Variants in ATP2C1 observed in about 807,000 individuals in gnomAD.
ATP2C1 encodes the protein calcium-transporting ATPase type 2C member 1.
ATP2C1 carries 31 observed loss-of-function variants against 120.5 expected under a neutral mutation model. The observed-to-expected ratio is 0.26, with a 90% CI of 0.19 to 0.35. The LOEUF (loss-of-function observed/expected upper bound fraction) is 0.35. Ranked by LOEUF, ATP2C1 falls within the 10% of genes least tolerant of loss-of-function variation. The pLI, the probability that ATP2C1 is intolerant of heterozygous loss-of-function variation, is 1.00. For missense variants in ATP2C1, 731 were observed against 1,107.5 expected (o/e 0.66, Z 4.83); for synonymous variants, 351 against 358.7 (o/e 0.98, Z 0.24).
At chr3:130,989,832 G>A (rs529182927) in intron 20 of ATP2C1, among the ~76,000 whole-genome samples, 1 of 152,268 alleles carries the variant, frequency 6.6e-6, no homozygotes, top group African/African-American at 2.4e-5. Flanking sequence ...AGTGCTGTGT[G>A]CTACATGATT....
intron 5 of ATP2C1, 128 bp from the exon 6 acceptor site, chr3:130,937,299 TC>T (rs2108411386): frequency 2.5e-6 from 2 of 803,192 alleles, no homozygotes; most frequent in Admixed American, 4.3e-5. Flanking sequence ...AGTTGTGATT[TC>T]TTTTCCAGCT....
chr3:130,960,917 A>G (rs2060791534), intron 12 of ATP2C1, among the ~76,000 whole-genome samples: 1 of 152,186 alleles, frequency 6.6e-6, no homozygotes, highest in Non-Finnish European at 1.5e-5. Context: ...TAGGCATCTA[A>G]GAAAAAGAAA....
chr3:130,972,472 C>CTTT lies in ATP2C1; in HGVS notation c.1414-2848_1414-2846dup, dbSNP rs76538100. 1.3e-4 allele frequency among the ~76,000 whole-genome samples: 18 copies of CTTT among 142,900 alleles called. 1 individual carries two copies. The highest frequency in any genetic ancestry group is 4.4e-4 in the African/African-American group (17 of 39,024). The allele number at this position is 142,900 out of a possible 152,430, so 93.7% of individuals were successfully genotyped here. A position where few individuals can be genotyped will look rare whatever the true frequency, so the allele number is the denominator to read the frequency against. On this transcript the variant is annotated intron_variant, in intron 17 of 27. Transcript: ENST00000510168. The stretch of plus-strand genomic sequence containing the variant: ...CTTCTAGTCTTTTAGTTTCTTCACT[C>CTTT]TTTTTTTTTTTTTTATATACTTTAA...
intron 1 of ATP2C1, chr3:130,854,362 A>T (rs1221177046): frequency 1.3e-5 from 2 of 152,216 alleles, no homozygotes; most frequent in African/African-American, 4.8e-5. Flanking sequence ...CTGAGCCTAA[A>T]TGGAGTCTCA....
intron 17 of ATP2C1, among the ~76,000 whole-genome samples, 183 bp from the exon 18 acceptor site, chr3:130,975,149 A>G (rs1346538116): frequency 6.6e-6 from 1 of 152,188 alleles, no homozygotes; most frequent in Non-Finnish European, 1.5e-5. Flanking sequence ...TGTTTTCTAT[A>G]GAAGATACAG....
At chr3:131,000,354 GTATTT>G (rs1432173316) in intron 27 of ATP2C1, among the ~76,000 whole-genome samples, 1 of 152,058 alleles carries the variant, frequency 6.6e-6, no homozygotes, top group Non-Finnish European at 1.5e-5. Flanking sequence ...TTGAATTTCA[GTATTT>G]TAATTCCATA....
intron 2 of ATP2C1, among the ~76,000 whole-genome samples, chr3:130,905,946 C>T (rs1467232754): frequency 2.0e-5 from 3 of 151,984 alleles, no homozygotes; most frequent in African/African-American, 7.2e-5. Flanking sequence ...TGAAATCATG[C>T]CCATCGACTA....
chr3:130,967,100 G>A (rs1460673514), intron 14 of ATP2C1, 45 bp from the exon 15 acceptor site: 7 of 1,416,190 alleles, frequency 4.9e-6, no homozygotes, highest in African/African-American at 1.4e-5. Context: ...TCACCACCAA[G>A]TGTTTGTAGT....
Position 131,001,293 on chromosome 3 carries a change from C to T in ATP2C1, c.2703C>T (p.Ser901=). 7 of 1,613,496 alleles carry T rather than the reference C, an allele frequency of 4.3e-6. No individual in the cohort carries two copies. The highest frequency in any genetic ancestry group is 5.9e-6 in the Non-Finnish European group (7 of 1,179,686). The change falls in exon 28 of 28, where the codon AGC becomes AGT. Residue 901 remains serine (S), a synonymous_variant. Coordinates refer to ENST00000510168, the MANE Select transcript of ATP2C1 (RefSeq NM_001378687.1). The part of the protein sequence containing the change: ...VAEIIKKVER[S]REKIQKHVSS... ...AAATTATAAAGAAGGTTGAAAGGAG[C>T]AGGGAAAAGATCCAGAAGCATGTTA... is the stretch of plus-strand genomic sequence containing the variant.
rs2059903138 is a variant in ATP2C1, at chr3:130,941,266, CT to C, written c.423-324del. On this transcript the variant is annotated intron_variant, in intron 7 of 27. Coordinates refer to ENST00000510168, the MANE Select transcript of ATP2C1 (RefSeq NM_001378687.1). ...TGTGTGTGTGTGTGTGTGTGTGTGT[CT>C]GTGTGTGTGCGCGCACGCGCGCATG... 5.0e-5 allele frequency among the ~76,000 whole-genome samples: 4 copies of C among 79,832 alleles called. 1 individual carries two copies. Among genetic ancestry groups the C allele is most frequent in the East Asian group, 3.3e-4 (1 of 3,014 alleles). 52.4% of individuals were successfully genotyped at this position (79,832 alleles called of 152,430 possible). A position where few individuals can be genotyped will look rare whatever the true frequency, so the allele number is the denominator to read the frequency against.
chr3:130,892,346 CTG>C (rs2069202178), upstream of ATP2C1, among the ~76,000 whole-genome samples: 7 of 152,212 alleles, frequency 4.6e-5, no homozygotes, highest in Admixed American at 3.9e-4. Flanking sequence ...ACAGTAATAA[CTG>C]TTACAAATTG....
chr3:130,964,342 A>G (rs2060956865), intron 13 of ATP2C1, among the ~76,000 whole-genome samples: 1 of 152,054 alleles, frequency 6.6e-6, no homozygotes, highest in African/African-American at 2.4e-5. Context: ...GAAAATCCAT[A>G]CAACAACTGA....
chr3:130,917,174 G>A (rs566576238), intron 2 of ATP2C1, among the ~76,000 whole-genome samples: 1 of 152,322 alleles, frequency 6.6e-6, no homozygotes, highest in East Asian at 1.9e-4. Flanking sequence ...GTAGGCTAAT[G>A]TAAGTGTTGC....
At chr3:131,014,378 ACTGTACAGT>A in intron 26 of ATP2C1, 1 of 1,595,306 alleles carries the variant, frequency 6.3e-7, no homozygotes, top group Non-Finnish European at 8.5e-7. Flanking sequence ...CCAGGCTTCC[ACTGTACAGT>A]CTGTTCAAAG....
Position 130,931,881 on chromosome 3 carries a change from C to T in ATP2C1, c.118-141C>T, listed in dbSNP as rs554222564. On this transcript the variant is annotated intron_variant, in intron 3 of 27. Coordinates refer to ENST00000510168, the MANE Select transcript of ATP2C1 (RefSeq NM_001378687.1). The stretch of plus-strand genomic sequence containing the variant: ...TGTCACTTCTGGTCCCAGGCAACCA[C>T]TGATAGGTTGCTCTCATAATAGACT... 13 of 652,310 alleles carry T rather than the reference C, an allele frequency of 2.0e-5. No individual in the cohort carries two copies. In the South Asian group the frequency reaches 2.2e-4, roughly 11 times the overall value. The allele number at this position is 652,310 out of a possible 1,614,324, so 40.4% of individuals were successfully genotyped here.
intron 18 of ATP2C1, among the ~76,000 whole-genome samples, chr3:130,979,037 C>A (rs2061644275): frequency 6.6e-6 from 1 of 152,014 alleles, no homozygotes; most frequent in African/African-American, 2.4e-5. Flanking sequence ...TAGTTTGATT[C>A]TTTTTAATTA....
At chr3:130,993,091 A>C (rs57262210) in intron 21 of ATP2C1, 90 bp downstream of exon 21, 1 of 1,158,424 alleles carries the variant, frequency 8.6e-7, no homozygotes, top group East Asian at 2.4e-5. Context: ...GGAGTAGAGC[A>C]TCAAGGTCAG....
chr3:130,960,147 G>A (rs1385755985), intron 12 of ATP2C1, among the ~76,000 whole-genome samples: 1 of 152,128 alleles, frequency 6.6e-6, no homozygotes, highest in African/African-American at 2.4e-5. Flanking sequence ...GGGTAACTAC[G>A]CTGGCATCAG....
intron 1 of ATP2C1, among the ~76,000 whole-genome samples, chr3:130,876,646 T>G (rs1444796677): frequency 2.6e-5 from 4 of 152,190 alleles, no homozygotes; most frequent in Non-Finnish European, 5.9e-5. Flanking sequence ...TTTTTCTATT[T>G]CTATGAAGAA....
Sources: allele counts gnomAD v4.1 joint callset (sites outside exome capture counted in the v4.1 genomes callset), GRCh38; gene constraint gnomAD v4.1.1; transcripts MANE v1.5; gene names NCBI Gene and HGNC (gene_info 2026-07-23, HGNC 2026-07-21).